KIAA1217: variants seen among roughly 807,000 people sequenced by gnomAD.
The protein encoded by KIAA1217 is KIAA1217, also known as sickle tail protein homolog.
Under a neutral mutation model 163.9 loss-of-function variants are expected in KIAA1217, and 88 were observed. The observed-to-expected ratio is 0.54, with a 90% CI of 0.45 to 0.64. The LOEUF (loss-of-function observed/expected upper bound fraction) is 0.64, where lower values mean the gene tolerates loss of function less well. KIAA1217 is among the 30% of genes least tolerant of loss of function. The pLI, the probability that KIAA1217 is intolerant of heterozygous loss-of-function variation, is 0.00. For synonymous variants in KIAA1217, 903 were observed against 923.1 expected (o/e 0.98, Z 0.39); for missense variants, 2,372 against 2,475.0 (o/e 0.96, Z 0.88).
At chr10:24,340,451 G>A (rs1315084242) in intron 2 of KIAA1217, among the ~76,000 whole-genome samples, 1 of 152,134 alleles carries the variant, frequency 6.6e-6, no homozygotes, top group Non-Finnish European at 1.5e-5. Flanking sequence ...CCATGATTGT[G>A]AGGCCTCCCC....
Position 24,536,856 on chromosome 10 carries a change from C to G in KIAA1217, c.3497C>G (p.Thr1166Ser), listed in dbSNP as rs1340067938. ...CGGGCTGACAGTCACGTTAAAGACA[C>G]TAGGTCGGGCGCCACAGTGCCACCC... ...PSRADSHVKD[T>S]RSGATVPPKE... The change falls in exon 17 of 21, where the codon ACT (threonine) becomes AGT (serine). Residue 1166 changes from threonine (T) to serine (S), a missense_variant. Physicochemically the swap from Thr to Ser is moderately conservative, Grantham distance 58. This residue lies in a region of KIAA1217 where 251 missense variants were observed against 327.3 expected (regional missense o/e 0.77). Coordinates refer to ENST00000376454, the MANE Select transcript of KIAA1217 (RefSeq NM_019590.5). The G allele has an allele frequency of 6.2e-7, 1 of 1,613,988 alleles. No homozygotes were observed. Among genetic ancestry groups the G allele is most frequent in the Non-Finnish European group, 8.5e-7 (1 of 1,180,020 alleles).
At chr10:23,801,493 AG>A (rs1836465638) in intron 1 of KIAA1217, among the ~76,000 whole-genome samples, 1 of 152,312 alleles carries the variant, frequency 6.6e-6, no homozygotes, top group South Asian at 2.1e-4. Flanking sequence ...ACAAACAAAA[AG>A]CATGGTCCAA....
intron 6 of KIAA1217, among the ~76,000 whole-genome samples, chr10:24,488,973 G>A (rs564937867): frequency 4.8e-4 from 73 of 152,300 alleles, no homozygotes; most frequent in South Asian, 1.7e-3. Context: ...TACCTAGCAC[G>A]TATTAAGGGC....
intron 1 of KIAA1217, among the ~76,000 whole-genome samples, chr10:23,729,301 T>C (rs1340261575): frequency 1.3e-5 from 2 of 152,226 alleles, no homozygotes; most frequent in African/African-American, 2.4e-5. Flanking sequence ...TCATTTCCAT[T>C]TGGTAAATAC....
intron 1 of KIAA1217, among the ~76,000 whole-genome samples, chr10:23,995,326 T>C (rs1034929741): frequency 1.3e-5 from 2 of 152,158 alleles, no homozygotes; most frequent in Non-Finnish European, 2.9e-5. Flanking sequence ...AGAAACACAA[T>C]AGAATCCTTT....
intron 2 of KIAA1217, among the ~76,000 whole-genome samples, chr10:24,146,160 A>G (rs915095261): frequency 6.6e-6 from 1 of 152,224 alleles, no homozygotes; most frequent in Admixed American, 6.5e-5. Context: ...CAACCGTTTC[A>G]TATTGAATTA....
At chr10:23,960,316 T>C (rs1278112742) in intron 1 of KIAA1217, among the ~76,000 whole-genome samples, 1 of 152,054 alleles carries the variant, frequency 6.6e-6, no homozygotes, top group African/African-American at 2.4e-5. Flanking sequence ...TGGAGTGCAG[T>C]GGTGAGATCT....
chr10:24,372,345 T>G (rs1591397577), intron 2 of KIAA1217, among the ~76,000 whole-genome samples: 3 of 152,256 alleles, frequency 2.0e-5, no homozygotes, highest in Admixed American at 2.0e-4. Flanking sequence ...ACAATCATGA[T>G]GAATGAGGGG....
At chr10:24,006,991 T>A (rs1847028468) in intron 1 of KIAA1217, among the ~76,000 whole-genome samples, 1 of 152,200 alleles carries the variant, frequency 6.6e-6, no homozygotes, top group South Asian at 2.1e-4. Context: ...CTTTATAGCG[T>A]CCAACTAATG....
chr10:24,265,724 G>C (rs2076171791), intron 2 of KIAA1217, among the ~76,000 whole-genome samples: 1 of 152,166 alleles, frequency 6.6e-6, no homozygotes, highest in African/African-American at 2.4e-5. Flanking sequence ...CTAGATGATA[G>C]ATGTACAGGG....
chr10:24,325,021 T>A (rs1192034052), intron 2 of KIAA1217, among the ~76,000 whole-genome samples: 3 of 152,150 alleles, frequency 2.0e-5, no homozygotes, highest in Non-Finnish European at 2.9e-5. Flanking sequence ...CAGGTGACTC[T>A]CAAAGTGCCG....
At chr10:24,536,084 A>G (rs2073965445) in intron 16 of KIAA1217, among the ~76,000 whole-genome samples, 4 of 152,142 alleles carry the variant, frequency 2.6e-5, no homozygotes, top group African/African-American at 9.7e-5. Flanking sequence ...CTGTAGACAC[A>G]GTCTATGTCT....
chr10:23,764,882 C>T (rs931266888), intron 1 of KIAA1217, among the ~76,000 whole-genome samples: 2 of 152,150 alleles, frequency 1.3e-5, no homozygotes, highest in Admixed American at 1.3e-4. Flanking sequence ...TGTAACAAAC[C>T]TGCACGTTGT....
chr10:24,300,792 C>T (rs1012635356), intron 2 of KIAA1217, among the ~76,000 whole-genome samples: 12 of 151,934 alleles, frequency 7.9e-5, no homozygotes, highest in Admixed American at 7.2e-4. Context: ...GTCTCAAACC[C>T]CTCACCTGAA....
chr10:24,330,993 G>A (rs1270161396), intron 2 of KIAA1217, among the ~76,000 whole-genome samples: 1 of 151,712 alleles, frequency 6.6e-6, no homozygotes, highest in Admixed American at 6.6e-5. Flanking sequence ...GCCCAGGCTG[G>A]AGTGCATTGG....
chr10:24,064,838 A>G (rs1421473562), intron 2 of KIAA1217, among the ~76,000 whole-genome samples: 1 of 152,214 alleles, frequency 6.6e-6, no homozygotes, highest in Non-Finnish European at 1.5e-5. Context: ...TGGTCTATTC[A>G]GAGATTCAAC....
At position 23,799,912 on chromosome 10, in the gene KIAA1217, T is replaced by A. The variant is rs115492348; in HGVS notation, c.-321+104678T>A. The stretch of plus-strand genomic sequence containing the variant: ...TCTATTGGACTAAGAATTGAAAATA[T>A]GTTAGCCCTTCAAGAAATGCCTTTC... On this transcript the variant is annotated intron_variant, in intron 1 of 18. Coordinates refer to the KIAA1217 transcript ENST00000376462. Among the ~76,000 whole-genome samples, 1,059 of 152,320 alleles carry A rather than the reference T, an allele frequency of 7.0e-3. 8 individuals are homozygous for A. Among genetic ancestry groups the A allele is most frequent in the African/African-American group, 0.024 (978 of 41,558 alleles).
At chr10:24,151,929 C>T (rs1182830938) in intron 2 of KIAA1217, among the ~76,000 whole-genome samples, 1 of 152,130 alleles carries the variant, frequency 6.6e-6, no homozygotes, top group Non-Finnish European at 1.5e-5. Flanking sequence ...TTTCTATGCT[C>T]TATCTGTACT....
At chr10:23,974,623 A>T (rs951952945) in intron 1 of KIAA1217, among the ~76,000 whole-genome samples, 14 of 152,066 alleles carry the variant, frequency 9.2e-5, no homozygotes, top group African/African-American at 3.4e-4. Flanking sequence ...GGAACTTGAG[A>T]CCATCCTGGG....
Sources: allele counts gnomAD v4.1 joint callset (sites outside exome capture counted in the v4.1 genomes callset), GRCh38; gene constraint gnomAD v4.1.1; regional missense constraint gnomAD v4.1.1; transcripts MANE v1.5; gene names NCBI Gene and HGNC (gene_info 2026-07-23, HGNC 2026-07-21).